The following SPSB1 variants were observed in gnomAD, a reference collection of about 807,000 sequenced individuals.
The protein encoded by SPSB1 is SPRY domain-containing SOCS box protein 1.
In SPSB1, 8 loss-of-function variants were observed where a neutral mutation model predicts 21.2. The observed-to-expected ratio is 0.38, with a 90% CI of 0.22 to 0.68. The LOEUF is 0.68. Ranked by LOEUF, SPSB1 falls within the 30% of genes least tolerant of loss-of-function variation. The pLI is 0.53. For synonymous variants in SPSB1, 169 were observed against 161.7 expected (o/e 1.05, Z -0.34); for missense variants, 242 against 377.8 (o/e 0.64, Z 2.98).
chr1:9,309,146 G>T (rs1294038), intron 1 of SPSB1, among the ~76,000 whole-genome samples: 7,148 of 152,070 alleles, frequency 0.047, 191 homozygotes, highest in African/African-American at 0.078. Flanking sequence ...GCCAGGCCCA[G>T]GGGTCGTCGG....
chr1:9,368,030 C>T lies in SPSB1; in HGVS notation c.*455C>T, dbSNP rs1043135971. 11 of 164,490 alleles carry T rather than the reference C, an allele frequency of 6.7e-5. No homozygotes were observed. The highest frequency in any genetic ancestry group is 2.2e-4 in the Admixed American group (4 of 17,834). 10.2% of individuals were successfully genotyped at this position (164,490 alleles called of 1,614,324 possible). The stretch of plus-strand genomic sequence containing the variant: ...AGGTGCTTAGACAAGGGCTGGTGCC[C>T]GGCCCAGGGTGCCCAGCGGGGCCAT... On this transcript the variant is annotated 3_prime_UTR_variant, in exon 3 of 3. Transcript: ENST00000328089.
At chr1:9,304,167 A>G (rs1247507433) in intron 1 of SPSB1, among the ~76,000 whole-genome samples, 2 of 151,848 alleles carry the variant, frequency 1.3e-5, no homozygotes, top group African/African-American at 4.8e-5. Flanking sequence ...GGATGTCACA[A>G]CTCCAGGTTC....
chr1:9,358,775 G>A (rs1336495333), intron 2 of SPSB1, among the ~76,000 whole-genome samples: 1 of 152,160 alleles, frequency 6.6e-6, no homozygotes, highest in Non-Finnish European at 1.5e-5. Context: ...CCCTGATGCT[G>A]TCATGAGCTC....
At chr1:9,323,908 C>G (rs957772228) in intron 1 of SPSB1, among the ~76,000 whole-genome samples, 1 of 152,230 alleles carries the variant, frequency 6.6e-6, no homozygotes, top group Non-Finnish European at 1.5e-5. Context: ...TCTGCCCTCT[C>G]TGTGGCCCAT....
rs897322772 is a variant in SPSB1 at position 9,324,712 on chromosome 1, C to T, written c.-149-31031C>T. On this transcript the variant is annotated intron_variant, in intron 1 of 2. Transcript: ENST00000328089. The surrounding 1 kb of genome is among the most constrained non-coding windows in gnomAD (Gnocchi z 4.3). ...GGAGGCAGCGGCCAGCCAGCATCTC[C>T]CGGAGCCCAGAATCTCTCTGGGAAT... is the stretch of plus-strand genomic sequence containing the variant. 1.3e-5 allele frequency among the ~76,000 whole-genome samples: 2 copies of T among 152,170 alleles called. No homozygotes were observed. Among genetic ancestry groups the T allele is most frequent in the Non-Finnish European group, 2.9e-5 (2 of 68,026 alleles).
chr1:9,297,129 G>A (rs1309283173), intron 1 of SPSB1, among the ~76,000 whole-genome samples: 2 of 152,158 alleles, frequency 1.3e-5, no homozygotes, highest in Non-Finnish European at 2.9e-5. Flanking sequence ...ATGTGACTGT[G>A]AGAATGGTTT....
At chr1:9,304,796 C>A (rs1454807896) in intron 1 of SPSB1, among the ~76,000 whole-genome samples, 1 of 152,096 alleles carries the variant, frequency 6.6e-6, no homozygotes, top group Admixed American at 6.5e-5. Context: ...ACCTCAGCCC[C>A]CCAGTAGCTG....
intron 1 of SPSB1, among the ~76,000 whole-genome samples, chr1:9,295,797 A>G (rs1350431084): frequency 6.6e-6 from 1 of 152,182 alleles, no homozygotes; most frequent in African/African-American, 2.4e-5. Context: ...TACGGTGTTC[A>G]TGAGTTCGTC....
rs1212344434 is a variant in SPSB1 at position 9,324,504 on chromosome 1, G to A, written c.-149-31239G>A. 1.8e-5 allele frequency among the ~76,000 whole-genome samples: 2 copies of A among 111,766 alleles called. No homozygotes were observed. The allele number at this position is 111,766 out of a possible 152,430, so 73.3% of individuals were successfully genotyped here. A position where few individuals can be genotyped will look rare whatever the true frequency, so the allele number is the denominator to read the frequency against. On this transcript the variant is annotated intron_variant, in intron 1 of 2. Coordinates refer to ENST00000328089, the MANE Select transcript of SPSB1 (RefSeq NM_025106.4). The surrounding 1 kb of genome is among the most constrained non-coding windows in gnomAD (Gnocchi z 4.3). ...AGCCTCTGGAGGGTCGGCTCGGAGG[G>A]CTGTGGGCCCGGGACTCGGTGTGTC...
At position 9,317,035 on chromosome 1, in the gene SPSB1, T is replaced by C. The variant is rs922237525; in HGVS notation, c.-150+23964T>C. Among the ~76,000 whole-genome samples, 1 of 152,154 alleles carries C rather than the reference T, an allele frequency of 6.6e-6. No homozygotes were observed. Among genetic ancestry groups the C allele is most frequent in the Non-Finnish European group, 1.5e-5 (1 of 68,024 alleles). Reference sequence around the variant, plus strand: ...TTCCAAGTGGAAACACACGGTGGAATTTAGAATCCTTAACCTGGCCTGTGA... The same window carrying C: ...TTCCAAGTGGAAACACACGGTGGAACTTAGAATCCTTAACCTGGCCTGTGA... On this transcript the variant is annotated intron_variant, in intron 1 of 2. Transcript: ENST00000328089. This position sits in a 1 kb window ranked among gnomAD's most constrained non-coding sequence, Gnocchi z 4.3.
chr1:9,361,176 T>TTC (rs1196615576), intron 2 of SPSB1, among the ~76,000 whole-genome samples: 3 of 143,244 alleles, frequency 2.1e-5, no homozygotes, highest in South Asian at 2.3e-4. Context: ...TTTTTTTTTT[T>TTC]TTTTTTTAGA....
At chr1:9,350,788 C>G (rs1396563734) in intron 1 of SPSB1, among the ~76,000 whole-genome samples, 1 of 152,248 alleles carries the variant, frequency 6.6e-6, no homozygotes, top group African/African-American at 2.4e-5. Flanking sequence ...GTCCCAGGCC[C>G]TGATGCTTCT....
chr1:9,336,477 C>G (rs951453348), intron 1 of SPSB1, among the ~76,000 whole-genome samples: 1 of 152,162 alleles, frequency 6.6e-6, no homozygotes, highest in Non-Finnish European at 1.5e-5. Flanking sequence ...CCACCTGCCT[C>G]GGCCTCCCAA....
chr1:9,325,079 A>C (rs9442511), intron 1 of SPSB1, among the ~76,000 whole-genome samples: 7,545 of 152,236 alleles, frequency 0.05, 284 homozygotes, highest in Non-Finnish European at 0.071. Context: ...CACTCGCTGG[A>C]AGCTGGGACT....
At chr1:9,353,918 CAA>C (rs35366582) in intron 1 of SPSB1, among the ~76,000 whole-genome samples, 5 of 141,762 alleles carry the variant, frequency 3.5e-5, no homozygotes, top group Admixed American at 7.0e-5. Flanking sequence ...AACTCCATCT[CAA>C]AAAAAAAAAA....
intron 1 of SPSB1, among the ~76,000 whole-genome samples, chr1:9,343,846 C>T (rs192871503): frequency 1.8e-4 from 27 of 152,184 alleles, no homozygotes; most frequent in East Asian, 7.7e-4. Context: ...AGTGCAGTGG[C>T]GCGATCTCGG....
intron 1 of SPSB1, among the ~76,000 whole-genome samples, chr1:9,333,842 C>T (rs559576870): frequency 8.5e-5 from 13 of 152,282 alleles, no homozygotes; most frequent in South Asian, 4.2e-4. Flanking sequence ...CTCTCCAGCG[C>T]GGCTCCGGGG....
intron 1 of SPSB1, among the ~76,000 whole-genome samples, chr1:9,350,414 G>A (rs1640237724): frequency 6.6e-6 from 1 of 152,244 alleles, no homozygotes; most frequent in African/African-American, 2.4e-5. Context: ...GGGACGTGGT[G>A]ACTAATGCAA....
intron 1 of SPSB1, among the ~76,000 whole-genome samples, chr1:9,298,411 TGAATGAATAAGTGAAC>T (rs56798022): frequency 0.16 from 17,451 of 111,760 alleles, 1,497 homozygotes; most frequent in African/African-American, 0.37. Context: ...AGTGAACGAA[TGAATGAATAAGTGAAC>T]GAATGAATGA....
Sources: allele counts gnomAD v4.1 joint callset (sites outside exome capture counted in the v4.1 genomes callset), GRCh38; gene constraint gnomAD v4.1.1; non-coding constraint Gnocchi (gnomAD v3.1); transcripts MANE v1.5; gene names NCBI Gene and HGNC (gene_info 2026-07-23, HGNC 2026-07-21).